Variants in BPTF observed in about 807,000 individuals in gnomAD.
BPTF encodes bromodomain PHD finger transcription factor.
Under a neutral mutation model 292.5 loss-of-function variants are expected in BPTF, and 18 were observed. The ratio of observed to expected loss-of-function variants is 0.06; its 90% CI spans 0.04 to 0.09. The LOEUF (loss-of-function observed/expected upper bound fraction) is 0.09, where lower values mean the gene tolerates loss of function less well. Among genes scored for constraint, BPTF ranks in the 10% least tolerant of loss-of-function variants. The pLI, the probability that BPTF is intolerant of heterozygous loss-of-function variation, is 1.00. For missense variants in BPTF, 2,726 were observed against 3,498.7 expected (o/e 0.78, Z 5.57); for synonymous variants, 1,225 against 1,251.9 (o/e 0.98, Z 0.45).
intron 15 of BPTF, among the ~76,000 whole-genome samples, chr17:67,926,783 G>A (rs1028383906): frequency 6.6e-5 from 10 of 151,982 alleles, no homozygotes; most frequent in African/African-American, 2.2e-4. Context: ...TGTTGCTGAG[G>A]CTGGAGTGTA....
intron 1 of BPTF, among the ~76,000 whole-genome samples, chr17:67,837,118 G>T (rs2057190942): frequency 6.6e-6 from 1 of 152,156 alleles, no homozygotes; most frequent in African/African-American, 2.4e-5. Context: ...TTAAGGTAAA[G>T]ACATGAAGTG....
At chr17:67,907,373 T>TG (rs1370339358) in intron 9 of BPTF, among the ~76,000 whole-genome samples, 1 of 151,148 alleles carries the variant, frequency 6.6e-6, no homozygotes, top group Non-Finnish European at 1.5e-5. Flanking sequence ...TTTTTTTTTT[T>TG]GAGATGGAGT....
intron 25 of BPTF, 138 bp from the exon 26 acceptor site, chr17:67,966,434 G>C: frequency 1.4e-6 from 1 of 705,694 alleles, no homozygotes; most frequent in South Asian, 1.8e-5. Context: ...TACTAGAGCA[G>C]AAATCACTTA....
At chr17:67,899,878 A>G (rs2061707556) in intron 7 of BPTF, among the ~76,000 whole-genome samples, 1 of 152,118 alleles carries the variant, frequency 6.6e-6, no homozygotes, top group East Asian at 1.9e-4. Flanking sequence ...ATGCACACAC[A>G]TAGGTTCTAA....
At chr17:67,914,489 A>G (rs1406605052) in intron 11 of BPTF, among the ~76,000 whole-genome samples, 1 of 152,214 alleles carries the variant, frequency 6.6e-6, no homozygotes, top group East Asian at 1.9e-4. Context: ...CAATTCATGG[A>G]TTTATAGGAT....
chr17:67,955,419 C>A (rs2066836328), intron 23 of BPTF: 1 of 142,936 alleles, frequency 7.0e-6, no homozygotes, highest in African/African-American at 2.5e-5. Context: ...TGGACCTTAT[C>A]TTTAGGCAAA....
At position 67,891,886 on chromosome 17, in the gene BPTF, A is replaced by T; in HGVS notation, c.1907A>T (p.Glu636Val). 6.2e-7 allele frequency: 1 copy of T among 1,610,218 alleles called. No individual in the cohort carries two copies. The highest frequency in any genetic ancestry group is 8.5e-7 in the Non-Finnish European group (1 of 1,178,578). The change falls in exon 5 of 28, where the codon GAA (glutamate) becomes GTA (valine). Residue 636 changes from glutamate to valine, a missense_variant. By Grantham distance (121) the Glu-to-Val change is moderately radical. This residue lies in a region of BPTF where 187 missense variants were observed against 201.5 expected (regional missense o/e 0.93). Coordinates refer to ENST00000306378, the MANE Select transcript of BPTF (RefSeq NM_182641.4). ...GAGAAGTCCAACGGGGAGCTAAGTG[A>T]ATCTCCTGGAGCTGGAAAAGGAGCA... ...KSEKSNGELS[E>V]SPGAGKGASG...
chr17:67,977,382 G>T (rs1363335744), intron 27 of BPTF, among the ~76,000 whole-genome samples: 4 of 152,064 alleles, frequency 2.6e-5, no homozygotes, highest in Non-Finnish European at 4.4e-5. Context: ...AGGCATAATG[G>T]TGCACGCCTG....
At chr17:67,975,747 A>G (rs782240320) in intron 26 of BPTF, 25 bp from the exon 27 acceptor site, 41 of 1,583,804 alleles carry the variant, frequency 2.6e-5, no homozygotes, top group Non-Finnish European at 3.4e-5. Flanking sequence ...AGCTCTGAAA[A>G]TGTTTTACAT....
At chr17:67,864,527 CAA>C (rs60272759) in intron 2 of BPTF, among the ~76,000 whole-genome samples, 30,648 of 79,266 alleles carry the variant, frequency 0.39, 2,474 homozygotes, top group East Asian at 0.6. Context: ...GACTCCATCA[CAA>C]AAAAAAAAAA....
At chr17:67,828,030 C>G (rs957769665) in intron 1 of BPTF, among the ~76,000 whole-genome samples, 3 of 150,376 alleles carry the variant, frequency 2.0e-5, no homozygotes, top group African/African-American at 7.4e-5. Flanking sequence ...CTTCCAGACT[C>G]AAGCGATTCT....
chr17:67,891,835 A>G lies in BPTF; in HGVS notation c.1865-9A>G, dbSNP rs753188280. On this transcript the variant is annotated splice_polypyrimidine_tract_variant and intron_variant, in intron 4 of 27. Coordinates refer to ENST00000306378, the MANE Select transcript of BPTF (RefSeq NM_182641.4). Reference sequence around the variant, plus strand: ...TCAGCAATTGCTTTGTGGCCTATTCATTTGACAGTAGGTGATTTCAAATCG... The same window carrying G: ...TCAGCAATTGCTTTGTGGCCTATTCGTTTGACAGTAGGTGATTTCAAATCG... The G allele has an allele frequency of 1.4e-5, 22 of 1,569,272 alleles. No homozygotes were observed. In the South Asian group the frequency reaches 2.2e-4, roughly 16 times the overall value.
At chr17:67,833,312 C>A (rs1598107749) in intron 1 of BPTF, among the ~76,000 whole-genome samples, 1 of 151,038 alleles carries the variant, frequency 6.6e-6, no homozygotes, top group Non-Finnish European at 1.5e-5. Context: ...CTCCTGGACT[C>A]AGGCAATCTT....
At chr17:67,907,328 T>G (rs1219154344) in intron 9 of BPTF, among the ~76,000 whole-genome samples, 1 of 150,992 alleles carries the variant, frequency 6.6e-6, no homozygotes, top group Non-Finnish European at 1.5e-5. Context: ...AATGAACTCA[T>G]TCAGCTTCAA....
At chr17:67,849,499 G>A (rs1027757467) in intron 1 of BPTF, among the ~76,000 whole-genome samples, 3 of 152,088 alleles carry the variant, frequency 2.0e-5, no homozygotes, top group African/African-American at 7.2e-5. Flanking sequence ...TGAATAGCAA[G>A]GTTTGAAGGT....
chr17:67,839,191 TGTTA>T (rs1283572445), intron 1 of BPTF, among the ~76,000 whole-genome samples: 1 of 152,072 alleles, frequency 6.6e-6, no homozygotes, highest in Non-Finnish European at 1.5e-5. Flanking sequence ...CAATGTTAAA[TGTTA>T]GTTATAACGA....
chr17:67,872,527 G>A (rs2059804347), intron 3 of BPTF, among the ~76,000 whole-genome samples: 2 of 152,036 alleles, frequency 1.3e-5, no homozygotes, highest in Admixed American at 1.3e-4. Context: ...CCAACATAGT[G>A]AAACCCCATC....
At chr17:67,907,599 G>A (rs2062318327) in intron 9 of BPTF, among the ~76,000 whole-genome samples, 1 of 152,024 alleles carries the variant, frequency 6.6e-6, no homozygotes, top group South Asian at 2.1e-4. Flanking sequence ...CAAGTGATCT[G>A]CCTGCCTCGG....
chr17:67,893,660 G>A lies in BPTF; in HGVS notation c.2346G>A (p.Leu782=). 9.3e-6 allele frequency: 15 copies of A among 1,612,104 alleles called. No homozygotes were observed. Among genetic ancestry groups the A allele is most frequent in the Non-Finnish European group, 1.3e-5 (15 of 1,178,538 alleles). ...TTCTTACCATATCTACTCTGAGACTGACTATCACCCAATTAGAAAACAACA... is the reference window on the plus strand; with the variant it reads ...TTCTTACCATATCTACTCTGAGACTAACTATCACCCAATTAGAAAACAACA... ...SKVLTISTLR[L]TITQLENNIP... is the part of the protein sequence containing the mutation. The change falls in exon 6 of 28, where the codon CTG becomes CTA. Residue 782 remains leucine (L), a synonymous_variant. Coordinates refer to ENST00000306378, the MANE Select transcript of BPTF (RefSeq NM_182641.4).
Sources: allele counts gnomAD v4.1 joint callset (sites outside exome capture counted in the v4.1 genomes callset), GRCh38; gene constraint gnomAD v4.1.1; regional missense constraint gnomAD v4.1.1; transcripts MANE v1.5; gene names NCBI Gene and HGNC (gene_info 2026-07-23, HGNC 2026-07-21).